The following CAPRIN2 variants were observed in gnomAD, a reference collection of about 807,000 sequenced individuals.
CAPRIN2 encodes caprin family member 2.
Under a neutral mutation model 130.4 loss-of-function variants are expected in CAPRIN2, and 66 were observed. The ratio of observed to expected loss-of-function variants is 0.51; its 90% CI spans 0.42 to 0.62. The LOEUF is 0.62. CAPRIN2 is among the 20% of genes least tolerant of loss of function. The pLI is 0.00. For missense variants in CAPRIN2, 1,185 were observed against 1,246.6 expected, an observed-to-expected ratio of 0.95 and a Z score of 0.74; for synonymous variants, 471 against 444.1, an observed-to-expected ratio of 1.06 and a Z score of -0.76.
At position 30,710,543 on chromosome 12, in the gene CAPRIN2, G is replaced by A. The variant is rs767104420; in HGVS notation, c.2666-73C>T. On this transcript the variant is annotated intron_variant, in intron 16 of 16. Coordinates refer to ENST00000298892, the Ensembl canonical transcript of CAPRIN2. The surrounding 1 kb of genome is among the most constrained non-coding windows in gnomAD (Gnocchi z 4.8). ...TGAACACAATATTTAACATTAGTCGGCTACTGAAACAGACAAAGATACATT... is the reference window on the plus strand; with the variant it reads ...TGAACACAATATTTAACATTAGTCGACTACTGAAACAGACAAAGATACATT... 12 of 1,591,324 alleles carry A rather than the reference G, an allele frequency of 7.5e-6. No homozygotes were observed. In the Admixed American group the frequency reaches 1.7e-4, roughly 23 times the overall value.
At chr12:30,754,055 T>C (rs560430543) in exon 1 of CAPRIN2, 5 of 304,704 alleles carry the variant, frequency 1.6e-5, no homozygotes, top group Non-Finnish European at 3.1e-5. Context: ...TCCTGAACGT[T>C]TGGAAGAAAA....
Position 30,729,085 on chromosome 12 carries a change from G to C in CAPRIN2, c.1345C>G (p.Leu449Val), listed in dbSNP as rs373979865. The C allele has an allele frequency of 5.6e-6, 9 of 1,614,038 alleles. No individual in the cohort carries two copies. The highest frequency in any genetic ancestry group is 6.8e-6 in the Non-Finnish European group (8 of 1,180,032). Reference sequence around the variant, plus strand: ...TGCTCTTCCGGCAGAGTAGACCTGAGTTTTGAGGTGTCTTGTTTCCTCTGT... The same window carrying C: ...TGCTCTTCCGGCAGAGTAGACCTGACTTTTGAGGTGTCTTGTTTCCTCTGT... The change falls in exon 8 of 17, where the codon CTC becomes GTC. Residue 449 changes from leucine to valine, a missense_variant. Around this residue, in one of 2 missense-constraint regions of CAPRIN2, gnomAD observed 1,104 missense variants for 1,104.3 expected, o/e 1.00. Coordinates refer to ENST00000298892, the Ensembl canonical transcript of CAPRIN2.
chr12:30,753,357 A>T, exon 1 of CAPRIN2: 2 of 1,602,946 alleles, frequency 1.2e-6, no homozygotes, highest in Admixed American at 1.7e-5. Flanking sequence ...CTTTTTCTCG[A>T]TGTTTCTAAT....
At chr12:30,740,047 G>A (rs2066704846) in intron 3 of CAPRIN2, among the ~76,000 whole-genome samples, 2 of 152,246 alleles carry the variant, frequency 1.3e-5, no homozygotes, top group African/African-American at 2.4e-5. Flanking sequence ...GATGGTAAAT[G>A]TCTCCAGCCT....
rs541119545 is a variant in CAPRIN2, at chr12:30,715,940, A to G, written c.2317+568T>C. On this transcript the variant is annotated intron_variant, in intron 13 of 16. Transcript: ENST00000298892. ...TTCATTTGCTCCGACTTCAGTTAAA[A>G]AACTCAATAGGGATCTGAAATACCA... The G allele has an allele frequency of 2.3e-4, 36 of 155,256 alleles. No homozygotes were observed. In the South Asian group the frequency reaches 3.8e-3, roughly 16 times the overall value. 9.6% of individuals were successfully genotyped at this position (155,256 alleles called of 1,614,324 possible).
At chr12:30,712,915 T>A (rs1006923844) in intron 15 of CAPRIN2, among the ~76,000 whole-genome samples, 3 of 151,996 alleles carry the variant, frequency 2.0e-5, no homozygotes, top group African/African-American at 7.2e-5. Flanking sequence ...TAATTTTGAT[T>A]TTTAGTAGAG....
intron 9 of CAPRIN2, 33 bp downstream of exon 10, chr12:30,725,933 A>G: frequency 2.7e-6 from 4 of 1,489,868 alleles, no homozygotes; most frequent in Non-Finnish European, 3.6e-6. Context: ...AAGCCCCATG[A>G]ATATCATTTA....
At chr12:30,711,592 G>A (rs1393141875) in exon 16 of CAPRIN2, 1 of 1,613,728 alleles carries the variant, frequency 6.2e-7, no homozygotes, top group African/African-American at 1.3e-5. Flanking sequence ...TGGACCACCA[G>A]ATGTCCCTCC....
chr12:30,717,808 T>C (rs1405217723), intron 12 of CAPRIN2, among the ~76,000 whole-genome samples: 1 of 152,196 alleles, frequency 6.6e-6, no homozygotes, highest in African/African-American at 2.4e-5. Flanking sequence ...TCTGTCCTTC[T>C]ATGACTCTCT....
At chr12:30,750,230 G>A (rs2073051779) in intron 2 of CAPRIN2, among the ~76,000 whole-genome samples, 1 of 152,136 alleles carries the variant, frequency 6.6e-6, no homozygotes, top group Admixed American at 6.5e-5. Context: ...CAGTGAAGAG[G>A]AGTCACTATG....
intron 8 of CAPRIN2, among the ~76,000 whole-genome samples, chr12:30,727,285 G>A (rs1056300547): frequency 3.9e-5 from 6 of 152,152 alleles, no homozygotes; most frequent in African/African-American, 1.4e-4. Context: ...TCAGGAAGAA[G>A]CTAAAATTAA....
exon 3 of CAPRIN2, chr12:30,741,077 T>A (rs2067231250): frequency 6.2e-7 from 1 of 1,610,458 alleles, no homozygotes; most frequent in East Asian, 2.2e-5. Context: ...CCAAATTATG[T>A]AGCACTTCTT....
intron 9 of CAPRIN2, 107 bp downstream of exon 10, chr12:30,725,859 C>G: frequency 1.0e-6 from 1 of 953,428 alleles, no homozygotes; most frequent in African/African-American, 1.7e-5. Flanking sequence ...TAGGAGGCAG[C>G]AGAGCCAGGA....
chr12:30,715,258 A>C, intron 13 of CAPRIN2, 117 bp from the exon 16 acceptor site: 1 of 739,272 alleles, frequency 1.4e-6, no homozygotes, highest in South Asian at 1.8e-5. Flanking sequence ...AATAAATAGG[A>C]GATACATATA....
chr12:30,735,656 G>A (rs1246265563), intron 3 of CAPRIN2, among the ~76,000 whole-genome samples: 1 of 152,096 alleles, frequency 6.6e-6, no homozygotes, highest in Non-Finnish European at 1.5e-5. Context: ...AAGCATAAGG[G>A]GTTGAAAAGC....
At chr12:30,718,941 G>A in intron 12 of CAPRIN2, 138 bp downstream of exon 14, 1 of 949,914 alleles carries the variant, frequency 1.1e-6, no homozygotes, top group Non-Finnish European at 1.6e-6. Flanking sequence ...ACTGCCATTG[G>A]CCAAATATAA....
At chr12:30,734,170 G>C (rs1260521753) in intron 4 of CAPRIN2, among the ~76,000 whole-genome samples, 1 of 152,204 alleles carries the variant, frequency 6.6e-6, no homozygotes, top group Non-Finnish European at 1.5e-5. Context: ...GCAATGTATA[G>C]ATGATGACGA....
At chr12:30,741,600 A>T (rs544453086) in intron 2 of CAPRIN2, among the ~76,000 whole-genome samples, 1 of 152,276 alleles carries the variant, frequency 6.6e-6, no homozygotes, top group East Asian at 1.9e-4. Flanking sequence ...GGAAATTTAA[A>T]GGAGCAAAAC....
intron 3 of CAPRIN2, among the ~76,000 whole-genome samples, chr12:30,735,478 G>A (rs1360328676): frequency 6.6e-6 from 1 of 152,142 alleles, no homozygotes; most frequent in East Asian, 1.9e-4. Context: ...GATGAGTAGC[G>A]AAGTACCAAT....
Sources: gnomAD v4.1 joint callset for allele counts (sites outside exome capture counted in the v4.1 genomes callset) on GRCh38, gnomAD v4.1.1 for gene constraint, gnomAD v4.1.1 regional missense constraint, Gnocchi (gnomAD v3.1) non-coding constraint, MANE v1.5 for transcripts, NCBI Gene and HGNC (gene_info 2026-07-23, HGNC 2026-07-21) for gene names.